The following KIAA0825 variants were observed in gnomAD, a reference collection of about 807,000 sequenced individuals.
KIAA0825 encodes the protein KIAA0825.
A neutral mutation model predicts 147.6 loss-of-function variants in KIAA0825; 119 were observed. The ratio of observed to expected loss-of-function variants is 0.81; its 90% confidence interval spans 0.69 to 0.94. The LOEUF is 0.94. Ranked by LOEUF, KIAA0825 falls within the 40% of genes least tolerant of loss-of-function variation. The pLI, the probability that KIAA0825 is intolerant of heterozygous loss-of-function variation, is 0.00. For synonymous variants in KIAA0825, 470 were observed against 518.1 expected (o/e 0.91, Z 1.26); for missense variants, 1,381 against 1,472.7 (o/e 0.94, Z 1.02).
rs377579648 is a variant in KIAA0825, at chr5:94,345,912, G to A, written c.3710+38456C>T. On this transcript the variant is annotated intron_variant, in intron 20 of 20. Coordinates refer to ENST00000682413, the MANE Select transcript of KIAA0825 (RefSeq NM_001145678.3). ...GAGGGTTGTGATCATTGAGCAAGCA[G>A]GGGGTACGTGACTGGGGGCTGCATG... Among the ~76,000 whole-genome samples, 22 of 152,220 alleles carry A rather than the reference G, an allele frequency of 1.4e-4. No individual in the cohort carries two copies. In the East Asian group the frequency reaches 3.5e-3, roughly 24 times the overall value.
intron 5 of KIAA0825, among the ~76,000 whole-genome samples, chr5:94,514,007 A>G (rs139661465): frequency 2.4e-4 from 36 of 152,286 alleles, no homozygotes; most frequent in African/African-American, 8.7e-4. Context: ...TTCACCCACA[A>G]AACAAGAACT....
intron 5 of KIAA0825, among the ~76,000 whole-genome samples, chr5:94,506,881 T>A (rs1384653804): frequency 6.6e-6 from 1 of 152,120 alleles, no homozygotes; most frequent in Non-Finnish European, 1.5e-5. Context: ...CAGTACAAAT[T>A]TATGAAATAT....
intron 18 of KIAA0825, among the ~76,000 whole-genome samples, chr5:94,386,895 C>T (rs1749225310): frequency 6.6e-6 from 1 of 152,134 alleles, no homozygotes; most frequent in Non-Finnish European, 1.5e-5. Flanking sequence ...AATGCAAGCT[C>T]CTAAACTCTA....
At chr5:94,321,786 T>G (rs1780222379) in intron 20 of KIAA0825, among the ~76,000 whole-genome samples, 1 of 151,976 alleles carries the variant, frequency 6.6e-6, no homozygotes, top group Admixed American at 6.6e-5. Flanking sequence ...TCTTCCATTC[T>G]TTAAAGGTAC....
chr5:94,488,163 TGCGATTACAG>T (rs1035835569), intron 5 of KIAA0825, among the ~76,000 whole-genome samples: 1 of 152,210 alleles, frequency 6.6e-6, no homozygotes, highest in African/African-American at 2.4e-5. Context: ...CCCAGAGTGC[TGCGATTACAG>T]GCGTGAGCCA....
At chr5:94,581,704 TTTGAA>T (rs2152360429) in intron 2 of KIAA0825, among the ~76,000 whole-genome samples, 1 of 152,322 alleles carries the variant, frequency 6.6e-6, no homozygotes, top group Admixed American at 6.5e-5. Flanking sequence ...AAAAAATATC[TTTGAA>T]TTGAAGATAC....
At chr5:94,358,032 A>G (rs751720246) in intron 20 of KIAA0825, among the ~76,000 whole-genome samples, 13 of 152,166 alleles carry the variant, frequency 8.5e-5, no homozygotes, top group Non-Finnish European at 1.9e-4. Context: ...TATACACAGT[A>G]TCTATCTTCA....
intron 5 of KIAA0825, among the ~76,000 whole-genome samples, chr5:94,493,849 A>G (rs1230156235): frequency 6.6e-6 from 1 of 152,064 alleles, no homozygotes; most frequent in Admixed American, 6.6e-5. Flanking sequence ...ATTTGCACCC[A>G]TTGATAGGAG....
intron 20 of KIAA0825, among the ~76,000 whole-genome samples, chr5:94,277,588 A>T (rs915615360): frequency 2.0e-5 from 3 of 152,214 alleles, no homozygotes; most frequent in Non-Finnish European, 4.4e-5. Context: ...AATGGTGATC[A>T]TTAAAAACTC....
At chr5:94,221,825 T>G (rs984205214) in intron 20 of KIAA0825, among the ~76,000 whole-genome samples, 1 of 152,192 alleles carries the variant, frequency 6.6e-6, no homozygotes, top group Non-Finnish European at 1.5e-5. Context: ...CCAAAGAACC[T>G]TGTCTTTTCT....
chr5:94,335,819 A>C (rs1337479608), intron 20 of KIAA0825, among the ~76,000 whole-genome samples: 1 of 152,180 alleles, frequency 6.6e-6, no homozygotes, highest in East Asian at 1.9e-4. Flanking sequence ...TTTATCAGGA[A>C]GTGTATTAAT....
chr5:94,167,508 A>C (rs1768155354), intron 20 of KIAA0825, among the ~76,000 whole-genome samples: 1 of 152,100 alleles, frequency 6.6e-6, no homozygotes, highest in Non-Finnish European at 1.5e-5. Context: ...GATGGCAAAA[A>C]TCTCACTTTG....
At chr5:94,358,989 A>G (rs940918860) in intron 20 of KIAA0825, among the ~76,000 whole-genome samples, 1 of 152,226 alleles carries the variant, frequency 6.6e-6, no homozygotes, top group Non-Finnish European at 1.5e-5. Flanking sequence ...TTAGCAATTT[A>G]CTAATCAATT....
intron 20 of KIAA0825, among the ~76,000 whole-genome samples, chr5:94,276,534 A>G (rs1404711596): frequency 1.3e-5 from 2 of 152,096 alleles, no homozygotes; most frequent in African/African-American, 2.4e-5. Context: ...TATGCCGCTT[A>G]TAATATCAGA....
chr5:94,226,558 T>C (rs1433671436), intron 20 of KIAA0825, among the ~76,000 whole-genome samples: 5 of 152,038 alleles, frequency 3.3e-5, no homozygotes, highest in Non-Finnish European at 7.4e-5. Context: ...TATAAAGACA[T>C]ATGCACAAAT....
intron 20 of KIAA0825, among the ~76,000 whole-genome samples, chr5:94,302,446 G>A (rs1004152438): frequency 7.9e-5 from 12 of 151,976 alleles, no homozygotes; most frequent in Admixed American, 1.3e-4. Context: ...ATTTTAACAC[G>A]GGGTATTGAT....
intron 1 of KIAA0825, among the ~76,000 whole-genome samples, chr5:94,603,748 A>G (rs1786955236): frequency 6.6e-6 from 1 of 152,228 alleles, no homozygotes; most frequent in Admixed American, 6.5e-5. Context: ...AAGCAAATGG[A>G]AAACAGAAAA....
At chr5:94,355,346 T>G (rs1034115606) in intron 20 of KIAA0825, among the ~76,000 whole-genome samples, 3 of 152,212 alleles carry the variant, frequency 2.0e-5, no homozygotes, top group Non-Finnish European at 4.4e-5. Flanking sequence ...AAAGGACGGC[T>G]TTGCAGGACC....
At chr5:94,516,663 C>A (rs991917960) in intron 5 of KIAA0825, among the ~76,000 whole-genome samples, 4 of 148,802 alleles carry the variant, frequency 2.7e-5, no homozygotes, top group Admixed American at 6.7e-5. Context: ...CAGTGGCGGG[C>A]GCCTGTAGTC....
Sources: gnomAD v4.1 joint callset for allele counts (sites outside exome capture counted in the v4.1 genomes callset) on GRCh38, gnomAD v4.1.1 for gene constraint, MANE v1.5 for transcripts, NCBI Gene and HGNC (gene_info 2026-07-23, HGNC 2026-07-21) for gene names.